Variants in PM20D2 observed in about 807,000 individuals in gnomAD.
PM20D2 encodes the protein peptidase M20 domain containing 2, also known as xaa-Arg dipeptidase.
Under a neutral mutation model 42.9 loss-of-function variants are expected in PM20D2, and 33 were observed. The ratio of observed to expected loss-of-function variants is 0.77; its 90% confidence interval spans 0.58 to 1.03. The LOEUF is 1.03. Ranked by LOEUF, PM20D2 falls within the 50% of genes least tolerant of loss-of-function variation. The pLI is 0.00. For missense variants in PM20D2, 548 were observed against 557.0 expected, an observed-to-expected ratio of 0.98 and a Z score of 0.16; for synonymous variants, 250 against 228.2, an observed-to-expected ratio of 1.10 and a Z score of -0.86.
the PM20D2 span, among the ~76,000 whole-genome samples, chr6:89,136,793 G>A: frequency 6.6e-6 from 1 of 151,042 alleles, no homozygotes; most frequent in African/African-American, 2.5e-5. Context: ...CTGTTTTGAT[G>A]AACTCTATAC....
At chr6:89,099,458 ATATATG>A in the PM20D2 span, among the ~76,000 whole-genome samples, 889 of 146,342 alleles carry the variant, frequency 6.1e-3, 12 homozygotes, top group East Asian at 0.049. Flanking sequence ...ATATGTGTGT[ATATATG>A]TGTGTGTATA....
chr6:89,129,136 G>T, the PM20D2 span, among the ~76,000 whole-genome samples: 1 of 152,162 alleles, frequency 6.6e-6, no homozygotes, highest in Non-Finnish European at 1.5e-5. Flanking sequence ...TCATTGAGGG[G>T]TTATTCCTGC....
the PM20D2 span, among the ~76,000 whole-genome samples, chr6:89,114,584 T>G: frequency 1.3e-4 from 20 of 151,624 alleles, no homozygotes; most frequent in Admixed American, 1.3e-3. Flanking sequence ...AGATTTTGAT[T>G]GTCTGCCAGT....
the PM20D2 span, among the ~76,000 whole-genome samples, chr6:89,111,133 G>A: frequency 6.7e-6 from 1 of 150,050 alleles, no homozygotes; most frequent in Non-Finnish European, 1.5e-5. Flanking sequence ...TTTGGAGATG[G>A]AATCTTGCTT....
chr6:89,156,216 T>G (rs1214205817), intron 4 of PM20D2, among the ~76,000 whole-genome samples: 1 of 152,184 alleles, frequency 6.6e-6, no homozygotes, highest in South Asian at 2.1e-4. Context: ...AGTTAGTATT[T>G]AAAATCATGT....
chr6:89,104,297 C>T, the PM20D2 span, among the ~76,000 whole-genome samples: 97,851 of 148,080 alleles, frequency 0.66, 32,823 homozygotes, highest in East Asian at 0.79. Flanking sequence ...AGTGCAATGG[C>T]GTGATCTCAG....
chr6:89,117,221 T>C, the PM20D2 span, among the ~76,000 whole-genome samples: 31 of 152,202 alleles, frequency 2.0e-4, no homozygotes, highest in Admixed American at 2.0e-3. Flanking sequence ...CTCAGAACTT[T>C]AAAGAAAAAC....
chr6:89,131,670 G>A, the PM20D2 span, among the ~76,000 whole-genome samples: 1 of 152,292 alleles, frequency 6.6e-6, no homozygotes, highest in Non-Finnish European at 1.5e-5. Context: ...TGGAGGCATG[G>A]TTACTTGGTA....
chr6:89,154,758 A>T lies in PM20D2; in HGVS notation c.768A>T (p.Lys256Asn). 4 of 1,539,902 alleles carry T rather than the reference A, an allele frequency of 2.6e-6. No individual in the cohort carries two copies. Among genetic ancestry groups the T allele is most frequent in the Non-Finnish European group, 3.5e-6 (4 of 1,141,750 alleles). Residue 256 changes from lysine (K) to asparagine (N), a missense_variant, in exon 4 of 7, where the codon AAA becomes AAT. Lys to Asn is a moderately conservative substitution (Grantham distance 94). Around this residue, in one of 3 missense-constraint regions of PM20D2, gnomAD observed 470 missense variants for 464.4 expected, o/e 1.01. Transcript: ENST00000275072. Reference sequence around the variant, plus strand: ...TGGTTCTTTTTATAGGTATAATAAAAAATGGTGGTGTAAAACCCAATATCA... The same window carrying T: ...TGGTTCTTTTTATAGGTATAATAAATAATGGTGGTGTAAAACCCAATATCA... The part of the protein sequence containing the change: ...KPTWRVHGII[K>N]NGGVKPNIIP...
chr6:89,115,528 G>C, the PM20D2 span, among the ~76,000 whole-genome samples: 9,548 of 150,380 alleles, frequency 0.063, 873 homozygotes, highest in African/African-American at 0.2. Context: ...GTGATCCGCC[G>C]AACTCGGTCT....
the PM20D2 span, among the ~76,000 whole-genome samples, chr6:89,130,668 C>G: frequency 6.6e-6 from 1 of 151,950 alleles, no homozygotes; most frequent in South Asian, 2.1e-4. Flanking sequence ...CTATGTTGCC[C>G]AGGCTGGTCT....
Position 89,163,807 on chromosome 6 carries a change from A to G in PM20D2, c.*1544A>G, listed in dbSNP as rs891758003. ...TTATTACATGCCTTTATAATTTTTC[A>G]TTGTTCACACCCTGTACTGAAACCT... On this transcript the variant is annotated 3_prime_UTR_variant, in exon 7 of 7. Coordinates refer to ENST00000275072, the MANE Select transcript of PM20D2 (RefSeq NM_001010853.3). The G allele has an allele frequency of 2.0e-5, 3 of 152,114 alleles. No individual in the cohort carries two copies. The highest frequency in any genetic ancestry group is 4.4e-5 in the Non-Finnish European group (3 of 68,014). 9.4% of individuals were successfully genotyped at this position (152,114 alleles called of 1,614,324 possible).
intron 4 of PM20D2, among the ~76,000 whole-genome samples, chr6:89,155,590 A>G (rs2127779458): frequency 6.6e-6 from 1 of 152,260 alleles, no homozygotes; most frequent in Admixed American, 6.5e-5. Flanking sequence ...TCGCCCAGCC[A>G]GCGAAAGCCA....
chr6:89,130,809 GCTTCTT>G, the PM20D2 span, among the ~76,000 whole-genome samples: 6 of 89,010 alleles, frequency 6.7e-5, no homozygotes, highest in African/African-American at 1.4e-4. Flanking sequence ...TTTGTATCTG[GCTTCTT>G]CTTCTTTTTT....
chr6:89,163,824 C>CTGAA lies in PM20D2; in HGVS notation c.*1562_*1565dup, dbSNP rs1335134529. 3 of 152,142 alleles carry CTGAA rather than the reference C, an allele frequency of 2.0e-5. No homozygotes were observed. The highest frequency in any genetic ancestry group is 2.9e-5 in the Non-Finnish European group (2 of 68,004). 9.4% of individuals were successfully genotyped at this position (152,142 alleles called of 1,614,324 possible). A position where few individuals can be genotyped will look rare whatever the true frequency, so the allele number is the denominator to read the frequency against. ...AATTTTTCATTGTTCACACCCTGTA[C>CTGAA]TGAAACCTTTTTCTCAAATACCAAC... On this transcript the variant is annotated 3_prime_UTR_variant, in exon 7 of 7. Transcript: ENST00000275072.
At chr6:89,133,762 A>G in the PM20D2 span, among the ~76,000 whole-genome samples, 1 of 151,108 alleles carries the variant, frequency 6.6e-6, no homozygotes, top group Non-Finnish European at 1.5e-5. Context: ...GTTATCTTGG[A>G]CTCATGAAGA....
intron 5 of PM20D2, among the ~76,000 whole-genome samples, chr6:89,160,331 G>A (rs1466905183): frequency 6.6e-6 from 1 of 152,162 alleles, no homozygotes; most frequent in African/African-American, 2.4e-5. Flanking sequence ...ATACCCATAA[G>A]CCTTGGTTTC....
At chr6:89,113,602 C>T in the PM20D2 span, among the ~76,000 whole-genome samples, 3 of 152,150 alleles carry the variant, frequency 2.0e-5, no homozygotes, top group Non-Finnish European at 1.5e-5. Flanking sequence ...AGCCACCGTG[C>T]CAGGCCCCAA....
At chr6:89,134,627 C>T in the PM20D2 span, among the ~76,000 whole-genome samples, 1 of 151,166 alleles carries the variant, frequency 6.6e-6, no homozygotes, top group Non-Finnish European at 1.5e-5. Flanking sequence ...ATAAGTAGGA[C>T]CAGAAATAGA....
Sources: allele counts gnomAD v4.1 joint callset (sites outside exome capture counted in the v4.1 genomes callset), GRCh38; gene constraint gnomAD v4.1.1; regional missense constraint gnomAD v4.1.1; transcripts MANE v1.5; gene names NCBI Gene and HGNC (gene_info 2026-07-23, HGNC 2026-07-21).